The following ATOH1 variants were observed in gnomAD, a reference collection of about 807,000 sequenced individuals.
ATOH1 encodes atonal bHLH transcription factor 1.
Under a neutral mutation model 20.7 loss-of-function variants are expected in ATOH1, and 9 were observed. The observed-to-expected ratio is 0.44, with a 90% CI of 0.26 to 0.76. The LOEUF (loss-of-function observed/expected upper bound fraction) is 0.76, where lower values mean the gene tolerates loss of function less well. ATOH1 is among the 30% of genes least tolerant of loss of function. The pLI is 0.20. For synonymous variants in ATOH1, 247 were observed against 214.3 expected, an observed-to-expected ratio of 1.15 and a Z score of -1.33; for missense variants, 516 against 479.3, an observed-to-expected ratio of 1.08 and a Z score of -0.71.
rs1735392660 is a variant in ATOH1, at chr4:93,829,227, G to C, written c.301G>C (p.Gly101Arg). 2 of 1,586,066 alleles carry C rather than the reference G, an allele frequency of 1.3e-6. No individual in the cohort carries two copies. Among genetic ancestry groups the C allele is most frequent in the South Asian group, 1.2e-5 (1 of 86,050 alleles). Reference sequence around the variant, plus strand: ...CGCTGCGCCCCGGGACGAGGTGGACGGCCGGGGGGAGCTGGTAAGGAGGAG... The same window carrying C: ...CGCTGCGCCCCGGGACGAGGTGGACCGCCGGGGGGAGCTGGTAAGGAGGAG... Reference protein sequence around the residue: ...EAAAPRDEVDGRGELVRRSSG... With the variant: ...EAAAPRDEVDRRGELVRRSSG... The change falls in exon 1 of 1, where the codon GGC (glycine) becomes CGC (arginine). Residue 101 changes from glycine to arginine, a missense_variant. Physicochemically the swap from Gly to Arg is moderately radical, Grantham distance 125. Coordinates refer to ENST00000306011, the MANE Select transcript of ATOH1 (RefSeq NM_005172.2). The surrounding 1 kb of genome is among the most constrained non-coding windows in gnomAD (Gnocchi z 4.5).
At position 93,830,034 on chromosome 4, in the gene ATOH1, C is replaced by T; in HGVS notation, c.*43C>T. 6.6e-7 allele frequency: 1 copy of T among 1,523,826 alleles called. No homozygotes were observed. Among genetic ancestry groups the T allele is most frequent in the African/African-American group, 1.4e-5 (1 of 71,864 alleles). The allele number at this position is 1,523,826 out of a possible 1,614,324, so 94.4% of individuals were successfully genotyped here. On this transcript the variant is annotated 3_prime_UTR_variant, in exon 1 of 1. Transcript: ENST00000306011. ...GAAAACTGAGACAGAAACAAAACTGCCCTTTCCCAGTGCGCGGGAAGCCCC... is the reference window on the plus strand; with the variant it reads ...GAAAACTGAGACAGAAACAAAACTGTCCTTTCCCAGTGCGCGGGAAGCCCC...
Position 93,829,326 on chromosome 4 carries a change from G to A in ATOH1, c.400G>A (p.Gly134Arg), listed in dbSNP as rs1362233190. ...GGAACAGCTGTGCAAGCTGAAAGGC[G>A]GGGTGGTGGTAGACGAGCTGGGCTG... The part of the protein sequence containing the change: ...VREQLCKLKG[G>R]VVVDELGCSR... Residue 134 changes from glycine to arginine, a missense_variant, in exon 1 of 1, where the codon GGG becomes AGG. Transcript: ENST00000306011. The surrounding 1 kb of genome is among the most constrained non-coding windows in gnomAD (Gnocchi z 4.5). The A allele has an allele frequency of 1.2e-6, 2 of 1,613,944 alleles. No homozygotes were observed. The highest frequency in any genetic ancestry group is 1.7e-6 in the Non-Finnish European group (2 of 1,179,918).
chr4:93,828,963 G>A lies in ATOH1; in HGVS notation c.37G>A (p.Val13Met). 1 of 1,610,380 alleles carries A rather than the reference G, an allele frequency of 6.2e-7. No individual in the cohort carries two copies. Among genetic ancestry groups the A allele is most frequent in the Non-Finnish European group, 8.5e-7 (1 of 1,177,988 alleles). ...GCTGCATGCAGAAGAGTGGGCTGAA[G>A]TGAAGGAGTTGGGAGACCACCATCG... is the stretch of plus-strand genomic sequence containing the variant. Reference protein sequence around the residue: ...RLLHAEEWAEVKELGDHHRQP... With the variant: ...RLLHAEEWAEMKELGDHHRQP... The change falls in exon 1 of 1, where the codon GTG (valine) becomes ATG (methionine). Residue 13 changes from valine to methionine, a missense_variant. Physicochemically the swap from Val to Met is conservative, Grantham distance 21. Coordinates refer to ENST00000306011, the MANE Select transcript of ATOH1 (RefSeq NM_005172.2).
Position 93,829,389 on chromosome 4 carries a change from G to C in ATOH1, c.463G>C (p.Gly155Arg). 6.2e-7 allele frequency: 1 copy of C among 1,614,226 alleles called. No homozygotes were observed. ...QRAPSSKQVN[G>R]VQKQRRLAAN... is the part of the protein sequence containing the mutation. ...GGCCCCTTCCAGCAAACAGGTGAAT[G>C]GGGTGCAGAAGCAGAGACGGCTAGC... Residue 155 changes from glycine to arginine, a missense_variant, in exon 1 of 1, where the codon GGG becomes CGG. By Grantham distance (125) the Gly-to-Arg change is moderately radical (BLOSUM62 -2). Coordinates refer to ENST00000306011, the MANE Select transcript of ATOH1 (RefSeq NM_005172.2). The surrounding 1 kb of genome is among the most constrained non-coding windows in gnomAD (Gnocchi z 4.5).
Position 93,829,215 on chromosome 4 carries a change from G to T in ATOH1, c.289G>T (p.Asp97Tyr). Residue 97 changes from aspartate to tyrosine, a missense_variant, in exon 1 of 1, where the codon GAC (aspartate) becomes TAC (tyrosine). Coordinates refer to ENST00000306011, the MANE Select transcript of ATOH1 (RefSeq NM_005172.2). The surrounding 1 kb of genome is among the most constrained non-coding windows in gnomAD (Gnocchi z 4.5). ...TGCCTCAGAGGCCGCTGCGCCCCGG[G>T]ACGAGGTGGACGGCCGGGGGGAGCT... ...LGASEAAAPR[D>Y]EVDGRGELVR... 1 of 1,585,012 alleles carries T rather than the reference G, an allele frequency of 6.3e-7. No homozygotes were observed. The highest frequency in any genetic ancestry group is 8.6e-7 in the Non-Finnish European group (1 of 1,164,602).
chr4:93,829,921 C>T lies in ATOH1; in HGVS notation c.995C>T (p.Pro332Leu), dbSNP rs1456393876. ...PVQEENSKTS[P>L]RSHRSDGEFS... is the part of the protein sequence containing the mutation. ...CAGGAGGAAAACAGCAAAACTTCGCCTCGGTCCCACAGAAGCGACGGGGAA... is the reference window on the plus strand; with the variant it reads ...CAGGAGGAAAACAGCAAAACTTCGCTTCGGTCCCACAGAAGCGACGGGGAA... Residue 332 changes from proline (P) to leucine (L), a missense_variant, in exon 1 of 1, where the codon CCT (proline) becomes CTT (leucine). Transcript: ENST00000306011. The surrounding 1 kb of genome is among the most constrained non-coding windows in gnomAD (Gnocchi z 4.5). 6.2e-7 allele frequency: 1 copy of T among 1,614,070 alleles called. No homozygotes were observed. Among genetic ancestry groups the T allele is most frequent in the Admixed American group, 1.7e-5 (1 of 60,026 alleles).
rs141912134 is a variant in ATOH1 at position 93,830,785 on chromosome 4, A to C, written c.*794A>C. On this transcript the variant is annotated 3_prime_UTR_variant, in exon 1 of 1. Coordinates refer to ENST00000306011, the MANE Select transcript of ATOH1 (RefSeq NM_005172.2). ...CTAGTAGTGTCAAACGCATTTGGTC[A>C]ATTTTATTTTGCTTTGTTAATATTA... is the stretch of plus-strand genomic sequence containing the variant. The C allele has an allele frequency of 5.2e-3, 864 of 167,068 alleles. 5 individuals carry two copies. Among genetic ancestry groups the C allele is most frequent in the Non-Finnish European group, 4.9e-3 (331 of 68,094 alleles). The allele number at this position is 167,068 out of a possible 1,614,324, so 10.3% of individuals were successfully genotyped here.
chr4:93,829,723 C>G lies in ATOH1; in HGVS notation c.797C>G (p.Pro266Arg). Residue 266 changes from proline to arginine, a missense_variant, in exon 1 of 1, where the codon CCG becomes CGG. Transcript: ENST00000306011. This position sits in a 1 kb window ranked among gnomAD's most constrained non-coding sequence, Gnocchi z 4.5. ...CAGGCTTCCGGAGGGAGCCAGCGGC[C>G]GACCCCGCCCGGGAGTTGCCGGACT... ...AQQASGGSQR[P>R]TPPGSCRTRF... The G allele has an allele frequency of 1.3e-6, 2 of 1,571,104 alleles. No individual in the cohort carries two copies. The highest frequency in any genetic ancestry group is 1.7e-6 in the Non-Finnish European group (2 of 1,160,472).
In ATOH1 at chr4:93,829,626, GACC is replaced by G; in HGVS notation, c.710_712del (p.His237del). 6.2e-7 allele frequency: 1 copy of G among 1,609,918 alleles called. No individual in the cohort carries two copies. Among genetic ancestry groups the G allele is most frequent in the Non-Finnish European group, 8.5e-7 (1 of 1,178,028 alleles). On this transcript the variant is annotated inframe_deletion, in exon 1 of 1. Coordinates refer to ENST00000306011, the MANE Select transcript of ATOH1 (RefSeq NM_005172.2). The surrounding 1 kb of genome is among the most constrained non-coding windows in gnomAD (Gnocchi z 4.5). ...GCCGCCTCCAGCCTCCTGCAAAAGCGACCACCACCACCTTCGCACCGCGGCCTC... is the reference window on the plus strand; with the variant it reads ...GCCGCCTCCAGCCTCCTGCAAAAGCGACCACCACCTTCGCACCGCGGCCTC...
chr4:93,829,847 G>A lies in ATOH1; in HGVS notation c.921G>A (p.Ala307=). 1 of 1,614,078 alleles carries A rather than the reference G, an allele frequency of 6.2e-7. No individual in the cohort carries two copies. The highest frequency in any genetic ancestry group is 8.5e-7 in the Non-Finnish European group (1 of 1,180,042). ...FEDSALTAMM[A]QKNLSPSLPG... ...ACAGCGCCCTGACAGCGATGATGGC[G>A]CAAAAGAATTTGTCTCCTTCTCTCC... Residue 307 remains alanine, a synonymous_variant, in exon 1 of 1, where the codon GCG becomes GCA. Coordinates refer to ENST00000306011, the MANE Select transcript of ATOH1 (RefSeq NM_005172.2). This position sits in a 1 kb window ranked among gnomAD's most constrained non-coding sequence, Gnocchi z 4.5.
chr4:93,828,913 G>A lies in ATOH1; in HGVS notation c.-14G>A, dbSNP rs1420470540. ...GCTGCCTCCGATCCTGAGCCTCCGA[G>A]CCTTTGCAGTGCAATGTCCCGCCTG... On this transcript the variant is annotated 5_prime_UTR_variant, in exon 1 of 1. Transcript: ENST00000306011. The A allele has an allele frequency of 8.9e-6, 14 of 1,566,496 alleles. No homozygotes were observed. In the Admixed American group the frequency reaches 1.8e-4, roughly 20 times the overall value.
chr4:93,829,770 G>T lies in ATOH1; in HGVS notation c.844G>T (p.Ala282Ser), dbSNP rs772815944. 6.2e-7 allele frequency: 1 copy of T among 1,604,166 alleles called. No individual in the cohort carries two copies. Among genetic ancestry groups the T allele is most frequent in the South Asian group, 1.1e-5 (1 of 89,504 alleles). ...GACTCGCTTCTCAGCCCCAGCTTCT[G>T]CGGGAGGGTACTCGGTGCAGCTGGA... ...CRTRFSAPAS[A>S]GGYSVQLDAL... The change falls in exon 1 of 1, where the codon GCG becomes TCG. Residue 282 changes from alanine (A) to serine (S), a missense_variant. Ala to Ser is a moderately conservative substitution (Grantham distance 99, BLOSUM62 1). Coordinates refer to ENST00000306011, the MANE Select transcript of ATOH1 (RefSeq NM_005172.2). This position sits in a 1 kb window ranked among gnomAD's most constrained non-coding sequence, Gnocchi z 4.5.
In ATOH1 at chr4:93,829,589, G is replaced by A; in HGVS notation, c.663G>A (p.Gly221=). The change falls in exon 1 of 1, where the codon GGG becomes GGA. Residue 221 remains glycine (G), a synonymous_variant. Transcript: ENST00000306011. This position sits in a 1 kb window ranked among gnomAD's most constrained non-coding sequence, Gnocchi z 4.5. Reference sequence around the variant, plus strand: ...AGCTGCTACAAACGCCCAGCGGAGGGGAACAGCCACCGCCGCCTCCAGCCT... The same window carrying A: ...AGCTGCTACAAACGCCCAGCGGAGGAGAACAGCCACCGCCGCCTCCAGCCT... ...LSELLQTPSG[G]EQPPPPPASC... 1 of 1,613,996 alleles carries A rather than the reference G, an allele frequency of 6.2e-7. No homozygotes were observed. Among genetic ancestry groups the A allele is most frequent in the Non-Finnish European group, 8.5e-7 (1 of 1,179,938 alleles).
In ATOH1 at chr4:93,829,217, C is replaced by G. The variant is rs942857356; in HGVS notation, c.291C>G (p.Asp97Glu). ...CCTCAGAGGCCGCTGCGCCCCGGGA[C>G]GAGGTGGACGGCCGGGGGGAGCTGG... ...LGASEAAAPR[D>E]EVDGRGELVR... Residue 97 changes from aspartate (D) to glutamate (E), a missense_variant, in exon 1 of 1, where the codon GAC becomes GAG. Transcript: ENST00000306011. The surrounding 1 kb of genome is among the most constrained non-coding windows in gnomAD (Gnocchi z 4.5). 1 of 1,584,772 alleles carries G rather than the reference C, an allele frequency of 6.3e-7. No homozygotes were observed. The highest frequency in any genetic ancestry group is 1.7e-5 in the Admixed American group (1 of 57,830).
rs1312156884 is a variant in ATOH1 at position 93,829,811 on chromosome 4, G to C, written c.885G>C (p.Ser295=). The C allele has an allele frequency of 3.7e-6, 6 of 1,613,712 alleles. No homozygotes were observed. The highest frequency in any genetic ancestry group is 1.6e-4 in the Middle Eastern group (1 of 6,084). ...TGCAGCTGGACGCTCTGCACTTCTC[G>C]ACTTTCGAGGACAGCGCCCTGACAG... ...YSVQLDALHF[S]TFEDSALTAM... The change falls in exon 1 of 1, where the codon TCG becomes TCC. Residue 295 remains serine, a synonymous_variant. Coordinates refer to ENST00000306011, the MANE Select transcript of ATOH1 (RefSeq NM_005172.2). This position sits in a 1 kb window ranked among gnomAD's most constrained non-coding sequence, Gnocchi z 4.5.
Position 93,829,840 on chromosome 4 carries a change from T to C in ATOH1, c.914T>C (p.Met305Thr), listed in dbSNP as rs760381446. The C allele has an allele frequency of 3.1e-6, 5 of 1,613,946 alleles. No homozygotes were observed. In the South Asian group the frequency reaches 5.5e-5, roughly 18 times the overall value. ...TTCGAGGACAGCGCCCTGACAGCGA[T>C]GATGGCGCAAAAGAATTTGTCTCCT... ...STFEDSALTA[M>T]MAQKNLSPSL... Residue 305 changes from methionine to threonine, a missense_variant, in exon 1 of 1, where the codon ATG becomes ACG. Transcript: ENST00000306011. This position sits in a 1 kb window ranked among gnomAD's most constrained non-coding sequence, Gnocchi z 4.5.
In ATOH1 at chr4:93,829,634, C is replaced by A; in HGVS notation, c.708C>A (p.His236Gln). The change falls in exon 1 of 1, where the codon CAC (histidine) becomes CAA (glutamine). Residue 236 changes from histidine to glutamine, a missense_variant. Transcript: ENST00000306011. The surrounding 1 kb of genome is among the most constrained non-coding windows in gnomAD (Gnocchi z 4.5). ...PPPASCKSDH[H>Q]HLRTAASYEG... Reference sequence around the variant, plus strand: ...CAGCCTCCTGCAAAAGCGACCACCACCACCTTCGCACCGCGGCCTCCTATG... The same window carrying A: ...CAGCCTCCTGCAAAAGCGACCACCAACACCTTCGCACCGCGGCCTCCTATG... 1.2e-6 allele frequency: 2 copies of A among 1,606,978 alleles called. No individual in the cohort carries two copies. Among genetic ancestry groups the A allele is most frequent in the East Asian group, 2.2e-5 (1 of 44,846 alleles).
chr4:93,829,873 C>T lies in ATOH1; in HGVS notation c.947C>T (p.Pro316Leu). ...MAQKNLSPSL[P>L]GSILQPVQEE... is the part of the protein sequence containing the mutation. The stretch of plus-strand genomic sequence containing the variant: ...CAAAAGAATTTGTCTCCTTCTCTCC[C>T]CGGGAGCATCTTGCAGCCAGTGCAG... The change falls in exon 1 of 1, where the codon CCC (proline) becomes CTC (leucine). Residue 316 changes from proline to leucine, a missense_variant. Pro to Leu is a moderately conservative substitution (Grantham distance 98, BLOSUM62 -3). Transcript: ENST00000306011. The surrounding 1 kb of genome is among the most constrained non-coding windows in gnomAD (Gnocchi z 4.5). 6.2e-7 allele frequency: 1 copy of T among 1,614,152 alleles called. No individual in the cohort carries two copies. The highest frequency in any genetic ancestry group is 8.5e-7 in the Non-Finnish European group (1 of 1,180,044).
At position 93,828,843 on chromosome 4, in the gene ATOH1, G is replaced by A. The variant is rs947457827; in HGVS notation, c.-84G>A. On this transcript the variant is annotated 5_prime_UTR_variant, in exon 1 of 1. Transcript: ENST00000306011. Reference sequence around the variant, plus strand: ...GAAAAAAAAATAAGACGTTGCAGAAGAGACCCGGAAAGGGCCTTTTTTTTG... The same window carrying A: ...GAAAAAAAAATAAGACGTTGCAGAAAAGACCCGGAAAGGGCCTTTTTTTTG... 2.1e-6 allele frequency: 3 copies of A among 1,427,958 alleles called. No homozygotes were observed. The highest frequency in any genetic ancestry group is 2.9e-5 in the African/African-American group (2 of 69,874). 88.5% of individuals were successfully genotyped at this position (1,427,958 alleles called of 1,614,324 possible). A position where few individuals can be genotyped will look rare whatever the true frequency, so the allele number is the denominator to read the frequency against.
Sources: gnomAD v4.1 joint callset for allele counts on GRCh38, gnomAD v4.1.1 for gene constraint, Gnocchi (gnomAD v3.1) non-coding constraint, MANE v1.5 for transcripts, NCBI Gene and HGNC (gene_info 2026-07-23, HGNC 2026-07-21) for gene names.